CCNA1: variants seen among roughly 807,000 people sequenced by gnomAD.
CCNA1 encodes cyclin A1.
Under a neutral mutation model 54.1 loss-of-function variants are expected in CCNA1, and 23 were observed. The observed-to-expected ratio is 0.42, with a 90% CI of 0.31 to 0.60. CCNA1 has a LOEUF of 0.60. Ranked by LOEUF, CCNA1 falls within the 20% of genes least tolerant of loss-of-function variation. The probability of loss-of-function intolerance (pLI) is 0.14; values close to 1 mark genes in which losing one functional copy is unlikely to be tolerated. For missense variants in CCNA1, 450 were observed against 556.7 expected (o/e 0.81, Z 1.93); for synonymous variants, 208 against 213.9 (o/e 0.97, Z 0.24).
intron 2 of CCNA1, among the ~76,000 whole-genome samples, chr13:36,433,427 T>TTCGTTCG (rs2055753305): frequency 3.6e-5 from 4 of 112,454 alleles, no homozygotes; most frequent in African/African-American, 1.4e-4. Context: ...TCTTTCTTTC[T>TTCGTTCG]TTCTTTCTTT....
chr13:36,432,774 TTCTC>T (rs1566168848), intron 1 of CCNA1, 45 bp downstream of exon 1: 1 of 1,271,814 alleles, frequency 7.9e-7, no homozygotes, highest in Non-Finnish European at 1.1e-6. Flanking sequence ...GTCAGAATGT[TTCTC>T]TCCTTCCAGC....
intron 5 of CCNA1, 115 bp downstream of exon 5, chr13:36,438,982 T>C (rs2055843783): frequency 1.3e-6 from 1 of 746,488 alleles, no homozygotes; most frequent in Non-Finnish European, 2.3e-6. Flanking sequence ...ACTAGTCATG[T>C]GTCCTTTGAT....
rs1361465941 is a variant in CCNA1 at position 36,437,931 on chromosome 13, G to A, written c.544+56G>A. ...TGGTACCCTGTATTTATAACTGCCT[G>A]CAGCATTCAATAGCTAGTAACTAGC... is the stretch of plus-strand genomic sequence containing the variant. On this transcript the variant is annotated intron_variant, in intron 3 of 8. Transcript: ENST00000255465. 14 of 1,585,282 alleles carry A rather than the reference G, an allele frequency of 8.8e-6. No homozygotes were observed. The East Asian group carries it at 2.9e-4, about 33-fold the overall frequency.
chr13:36,432,707 G>C lies in CCNA1; in HGVS notation c.86G>C (p.Gly29Ala), dbSNP rs1400962958. ...GAGTATCTCAGCTGGGAAGGACCGG[G>C]GCTCCCAGATTTCGTCTTCCAGGTA... The change falls in exon 1 of 9, where the codon GGG becomes GCG. Residue 29 changes from glycine (G) to alanine (A), a missense_variant. Around this residue, in one of 6 missense-constraint regions of CCNA1, gnomAD observed 103 missense variants for 100.9 expected, o/e 1.02. Transcript: ENST00000255465. 2.5e-6 allele frequency: 4 copies of C among 1,611,594 alleles called. No individual in the cohort carries two copies. Among genetic ancestry groups the C allele is most frequent in the Non-Finnish European group, 2.5e-6 (3 of 1,178,362 alleles).
chr13:36,438,875 T>G lies in CCNA1; in HGVS notation c.893+8T>G. The G allele has an allele frequency of 2.5e-6, 4 of 1,598,062 alleles. No homozygotes were observed. Among genetic ancestry groups the G allele is most frequent in the Non-Finnish European group, 3.4e-6 (4 of 1,165,524 alleles). ...AGCTATGCTTTTGGCTTCGTAAGTG[T>G]TCTTTCAGCTTGCATAATATGAAAC... On this transcript the variant is annotated splice_region_variant and intron_variant, in intron 5 of 8. Transcript: ENST00000255465.
At chr13:36,434,319 A>C (rs1039436065) in intron 2 of CCNA1, among the ~76,000 whole-genome samples, 4 of 152,228 alleles carry the variant, frequency 2.6e-5, no homozygotes, top group African/African-American at 9.6e-5. Context: ...AGAAAATCTG[A>C]AAGGTTTAAG....
rs1593324015 is a variant in CCNA1 at position 36,437,800 on chromosome 13, G to A, written c.469G>A (p.Ala157Thr). The A allele has an allele frequency of 2.5e-6, 4 of 1,613,998 alleles. No individual in the cohort carries two copies. The highest frequency in any genetic ancestry group is 1.1e-5 in the South Asian group (1 of 91,082). Residue 157 changes from alanine (A) to threonine (T), a missense_variant, in exon 3 of 9, where the codon GCA becomes ACA. This residue lies in a region of CCNA1 where 103 missense variants were observed against 92.9 expected (regional missense o/e 1.11). Coordinates refer to ENST00000255465, the MANE Select transcript of CCNA1 (RefSeq NM_003914.4). ...CAGCTGCTCGGTCAGAGAGGGGATGGCATTTGAGGATGTGTATGAAGTAGA... is the reference window on the plus strand; with the variant it reads ...CAGCTGCTCGGTCAGAGAGGGGATGACATTTGAGGATGTGTATGAAGTAGA...
At chr13:36,435,629 C>T (rs1443545963) in intron 2 of CCNA1, among the ~76,000 whole-genome samples, 3 of 152,098 alleles carry the variant, frequency 2.0e-5, no homozygotes, top group Non-Finnish European at 4.4e-5. Context: ...GTTAGAGTGC[C>T]CTAGGACCTA....
chr13:36,435,942 G>A (rs1466480209), intron 2 of CCNA1, among the ~76,000 whole-genome samples: 1 of 152,052 alleles, frequency 6.6e-6, no homozygotes, highest in Non-Finnish European at 1.5e-5. Flanking sequence ...TGTCTTCCTC[G>A]ATTCTTATTT....
At chr13:36,436,290 A>G (rs576641686) in intron 2 of CCNA1, among the ~76,000 whole-genome samples, 27 of 152,306 alleles carry the variant, frequency 1.8e-4, no homozygotes, top group African/African-American at 6.3e-4. Context: ...TAATTGGCCT[A>G]TGGTAAGTGC....
At position 36,437,823 on chromosome 13, in the gene CCNA1, A is replaced by G. The variant is rs760144028; in HGVS notation, c.492A>G (p.Val164=). Residue 164 remains valine (V), a synonymous_variant, in exon 3 of 9, where the codon GTA becomes GTG. Coordinates refer to ENST00000255465, the MANE Select transcript of CCNA1 (RefSeq NM_003914.4). ...TGGCATTTGAGGATGTGTATGAAGT[A>G]GACACCGGCACACTCAAGTCAGACC... 1.2e-6 allele frequency: 2 copies of G among 1,614,160 alleles called. No homozygotes were observed. The highest frequency in any genetic ancestry group is 1.7e-6 in the Non-Finnish European group (2 of 1,180,006).
At chr13:36,442,570 A>C in intron 8 of CCNA1, 44 bp from the exon 9 acceptor site, 3 of 1,605,900 alleles carry the variant, frequency 1.9e-6, no homozygotes, top group Non-Finnish European at 2.6e-6. Context: ...TTATCAAACC[A>C]AAGTCCTTGG....
chr13:36,440,211 C>A (rs1428077159), intron 6 of CCNA1, 28 bp downstream of exon 6: 6 of 1,573,186 alleles, frequency 3.8e-6, no homozygotes, highest in Non-Finnish European at 5.2e-6. Flanking sequence ...TTTCTAGGAA[C>A]TTCCAGTGCC....
Position 36,442,624 on chromosome 13 carries a change from G to A in CCNA1, c.1357G>A (p.Val453Met). ...TGGGTCTTGTTTCAGGTACCTGTGT[G>A]TGTCCCTCATGGAGCCACCTGCAGT... Residue 453 changes from valine (V) to methionine (M), a missense_variant, in exon 9 of 9, where the codon GTG becomes ATG. Around this residue, in one of 6 missense-constraint regions of CCNA1, gnomAD observed 53 missense variants for 50.1 expected, o/e 1.06. Transcript: ENST00000255465. 6.2e-7 allele frequency: 1 copy of A among 1,614,010 alleles called. No individual in the cohort carries two copies. The highest frequency in any genetic ancestry group is 2.2e-5 in the East Asian group (1 of 44,874).
At chr13:36,441,478 A>C (rs190981472) in intron 7 of CCNA1, among the ~76,000 whole-genome samples, 1 of 152,324 alleles carries the variant, frequency 6.6e-6, no homozygotes, top group East Asian at 1.9e-4. Flanking sequence ...TGGGAACCTC[A>C]GTGCCCACTG....
At position 36,432,644 on chromosome 13, in the gene CCNA1, T is replaced by A. The variant is rs201966146; in HGVS notation, c.23T>A (p.Ile8Asn). Residue 8 changes from isoleucine to asparagine, a missense_variant, in exon 1 of 9, where the codon ATC becomes AAC. Around this residue, in one of 6 missense-constraint regions of CCNA1, gnomAD observed 103 missense variants for 100.9 expected, o/e 1.02. Transcript: ENST00000255465. The stretch of plus-strand genomic sequence containing the variant: ...GGGATGGAGACCGGCTTTCCCGCAA[T>A]CATGTACCCTGGATCTTTTATTGGG... 198 of 1,604,436 alleles carry A rather than the reference T, an allele frequency of 1.2e-4. 4 individuals are homozygous for A. The South Asian group carries it at 2.0e-3, about 16-fold the overall frequency.
chr13:36,432,408 C>T (rs1362320015), upstream of CCNA1: 3 of 272,256 alleles, frequency 1.1e-5, no homozygotes, highest in East Asian at 7.6e-5. Flanking sequence ...CTGCCCCGCC[C>T]GGCCCGGCCC....
chr13:36,438,191 A>G lies in CCNA1; in HGVS notation c.669A>G (p.Glu223=), dbSNP rs1310064674. The change falls in exon 4 of 9, where the codon GAA becomes GAG. Residue 223 remains glutamate (E), a splice_region_variant and synonymous_variant. Transcript: ENST00000255465. ...TTTATCAGTACCTTAGGGAAGCTGAAGTAAGTTTTCCCACCTTCTACTTCA... is the reference window on the plus strand; with the variant it reads ...TTTATCAGTACCTTAGGGAAGCTGAGGTAAGTTTTCCCACCTTCTACTTCA... 1 of 1,609,228 alleles carries G rather than the reference A, an allele frequency of 6.2e-7. No individual in the cohort carries two copies. Among genetic ancestry groups the G allele is most frequent in the Non-Finnish European group, 8.5e-7 (1 of 1,178,492 alleles).
chr13:36,442,419 G>A (rs961900831), intron 8 of CCNA1, 115 bp downstream of exon 8: 2 of 1,223,730 alleles, frequency 1.6e-6, no homozygotes, highest in Non-Finnish European at 2.3e-6. Flanking sequence ...GGTTGGAAAA[G>A]TAAGGGTACG....
Sources: allele counts gnomAD v4.1 joint callset (sites outside exome capture counted in the v4.1 genomes callset), GRCh38; gene constraint gnomAD v4.1.1; regional missense constraint gnomAD v4.1.1; transcripts MANE v1.5; gene names NCBI Gene and HGNC (gene_info 2026-07-23, HGNC 2026-07-21).